Variants in KIF18A observed in about 807,000 individuals in gnomAD.
The protein encoded by KIF18A is kinesin-like protein KIF18A.
In KIF18A, 67 loss-of-function variants were observed where a neutral mutation model predicts 103.3. The ratio of observed to expected loss-of-function variants is 0.65; its 90% CI spans 0.53 to 0.79. The LOEUF (loss-of-function observed/expected upper bound fraction) is 0.79. Ranked by LOEUF, KIF18A falls within the 30% of genes least tolerant of loss-of-function variation. The pLI is 0.00. For missense variants in KIF18A, 1,032 were observed against 1,062.5 expected (o/e 0.97, Z 0.40); for synonymous variants, 367 against 355.5 (o/e 1.03, Z -0.36).
intron 6 of KIF18A, 61 bp downstream of exon 6, chr11:28,088,463 G>C: frequency 7.4e-7 from 1 of 1,344,516 alleles, no homozygotes. Context: ...ATATTAAATA[G>C]TATCTTTCTT....
intron 15 of KIF18A, among the ~76,000 whole-genome samples, chr11:28,031,115 A>T (rs966455585): frequency 6.6e-5 from 10 of 152,126 alleles, no homozygotes; most frequent in Non-Finnish European, 8.8e-5. Flanking sequence ...ATTGTGGAAG[A>T]CAGTGTGGCG....
intron 7 of KIF18A, among the ~76,000 whole-genome samples, chr11:28,084,047 C>G (rs1039800854): frequency 2.6e-5 from 4 of 152,014 alleles, no homozygotes; most frequent in African/African-American, 9.7e-5. Flanking sequence ...TTTTTAAGTA[C>G]AACACATCTT....
intron 13 of KIF18A, among the ~76,000 whole-genome samples, chr11:28,048,145 C>T (rs1295284414): frequency 2.0e-5 from 3 of 152,148 alleles, no homozygotes; most frequent in African/African-American, 7.2e-5. Context: ...CCTTCACCTT[C>T]ATTACCCACT....
intron 1 of KIF18A, among the ~76,000 whole-genome samples, chr11:28,102,018 A>T (rs1004051921): frequency 1.3e-5 from 2 of 152,168 alleles, no homozygotes; most frequent in Non-Finnish European, 1.5e-5. Context: ...CAAAGAAAAA[A>T]TATTTAACAC....
chr11:28,045,928 A>C (rs1850626407), intron 13 of KIF18A, among the ~76,000 whole-genome samples: 1 of 151,700 alleles, frequency 6.6e-6, no homozygotes. Flanking sequence ...ATGCAGCCAA[A>C]AAACACATGA....
chr11:28,071,249 C>T (rs75123942), intron 10 of KIF18A, among the ~76,000 whole-genome samples: 3,890 of 152,156 alleles, frequency 0.026, 175 homozygotes, highest in African/African-American at 0.089. Context: ...CAGTTAGTTG[C>T]ACAGTAGTTT....
rs763885994 is a variant in KIF18A at position 28,082,898 on chromosome 11, G to T, written c.1220C>A (p.Ala407Glu). The change falls in exon 9 of 17, where the codon GCA (alanine) becomes GAA (glutamate). Residue 407 changes from alanine to glutamate, a missense_variant. Transcript: ENST00000263181. The stretch of plus-strand genomic sequence containing the variant: ...CTGAGGGTTTGAAATCATTAACTTT[G>T]CTTGGTCATTTTCATTAGTGAAGGC... ...QKAFTNENDQ[A>E]KLMISNPQEK... 6.2e-7 allele frequency: 1 copy of T among 1,605,040 alleles called. No individual in the cohort carries two copies. The highest frequency in any genetic ancestry group is 1.3e-5 in the African/African-American group (1 of 74,748).
At chr11:28,062,571 A>T in intron 11 of KIF18A, 55 bp from the exon 12 acceptor site, 1 of 1,353,956 alleles carries the variant, frequency 7.4e-7, no homozygotes, top group Non-Finnish European at 9.9e-7. Context: ...ATTGAAATTA[A>T]ATCAGTTTAA....
intron 10 of KIF18A, among the ~76,000 whole-genome samples, chr11:28,074,993 C>T (rs1312447921): frequency 4.6e-5 from 7 of 152,160 alleles, no homozygotes; most frequent in South Asian, 2.1e-4. Flanking sequence ...TAGTTTCACA[C>T]GTTTAGGTAT....
chr11:28,078,001 T>G (rs1851117508), intron 9 of KIF18A, among the ~76,000 whole-genome samples: 2 of 152,168 alleles, frequency 1.3e-5, no homozygotes, highest in South Asian at 4.1e-4. Context: ...AATATTTTAA[T>G]TTTTTAAAAT....
At chr11:28,022,343 C>T (rs1283698868) in intron 16 of KIF18A, among the ~76,000 whole-genome samples, 1 of 151,776 alleles carries the variant, frequency 6.6e-6, no homozygotes, top group African/African-American at 2.4e-5. Flanking sequence ...CGGCTCACTG[C>T]AAGCTCCGCC....
intron 10 of KIF18A, among the ~76,000 whole-genome samples, chr11:28,074,283 A>G (rs1466758335): frequency 6.6e-6 from 1 of 152,196 alleles, no homozygotes; most frequent in Non-Finnish European, 1.5e-5. Flanking sequence ...AAAGAAGTTC[A>G]CAACAACAAA....
intron 1 of KIF18A, among the ~76,000 whole-genome samples, chr11:28,106,398 G>A (rs1851504168): frequency 1.3e-5 from 2 of 151,908 alleles, no homozygotes; most frequent in African/African-American, 4.8e-5. Flanking sequence ...ATCATCTACA[G>A]TCCATCTTAA....
chr11:28,094,477 T>TTA (rs1554974703), intron 3 of KIF18A, among the ~76,000 whole-genome samples, 166 bp downstream of exon 3: 1 of 137,454 alleles, frequency 7.3e-6, no homozygotes, highest in Non-Finnish European at 1.6e-5. Context: ...TTTGCCAAAG[T>TTA]AAAAAAAAAA....
At chr11:28,084,864 C>T (rs1488873818) in intron 6 of KIF18A, 56 bp from the exon 7 acceptor site, 3 of 1,396,562 alleles carry the variant, frequency 2.1e-6, no homozygotes, top group Middle Eastern at 1.9e-4. Context: ...TGCAAACCTG[C>T]TACCACTTTA....
intron 13 of KIF18A, among the ~76,000 whole-genome samples, chr11:28,043,574 A>G (rs1210774988): frequency 6.6e-6 from 1 of 152,016 alleles, no homozygotes; most frequent in Non-Finnish European, 1.5e-5. Flanking sequence ...AATGAACATG[A>G]ACATCCACAA....
intron 12 of KIF18A, among the ~76,000 whole-genome samples, chr11:28,061,722 AC>A (rs1850858404): frequency 6.6e-6 from 1 of 152,136 alleles, no homozygotes; most frequent in African/African-American, 2.4e-5. Context: ...ATTTGAGCAT[AC>A]CAGTAGAACA....
chr11:28,027,725 A>C (rs1231272115), intron 15 of KIF18A, among the ~76,000 whole-genome samples: 1 of 152,018 alleles, frequency 6.6e-6, no homozygotes, highest in Non-Finnish European at 1.5e-5. Flanking sequence ...CAGCAAAGAA[A>C]AGCTTGGAAT....
At chr11:28,061,891 A>T (rs1850860360) in intron 12 of KIF18A, among the ~76,000 whole-genome samples, 1 of 152,156 alleles carries the variant, frequency 6.6e-6, no homozygotes, top group South Asian at 2.1e-4. Flanking sequence ...AAACTAAATG[A>T]CTAATGTTAC....
Sources: gnomAD v4.1 joint callset for allele counts (sites outside exome capture counted in the v4.1 genomes callset) on GRCh38, gnomAD v4.1.1 for gene constraint, MANE v1.5 for transcripts, NCBI Gene and HGNC (gene_info 2026-07-23, HGNC 2026-07-21) for gene names.